Variants in RBM47 observed in about 807,000 individuals in gnomAD.
RBM47 encodes RNA-binding protein 47.
A neutral mutation model predicts 47.1 loss-of-function variants in RBM47; 21 were observed. The ratio of observed to expected loss-of-function variants is 0.45; its 90% confidence interval spans 0.32 to 0.64. The LOEUF is 0.64. Ranked by LOEUF, RBM47 falls within the 30% of genes least tolerant of loss-of-function variation. RBM47 has a pLI of 0.05. For missense variants in RBM47, 708 were observed against 870.9 expected (o/e 0.81, Z 2.35); for synonymous variants, 375 against 361.7 (o/e 1.04, Z -0.42).
chr4:40,437,133 A>ATATAT (rs1712713686), intron 4 of RBM47, among the ~76,000 whole-genome samples: 1 of 95,756 alleles, frequency 1.0e-5, no homozygotes, highest in African/African-American at 4.7e-5. Flanking sequence ...TATATATATA[A>ATATAT]AATACATATA....
In RBM47 at chr4:40,449,865, A is replaced by G. The variant is rs183305105; in HGVS notation, c.-31-10941T>C. 1.2e-4 allele frequency among the ~76,000 whole-genome samples: 18 copies of G among 152,144 alleles called. No homozygotes were observed. The East Asian group carries it at 3.3e-3, about 28-fold the overall frequency. ...AGCTAAGTTTTGTACTTTTTTTAGT[A>G]GAGATGAGGATTCACCATGTTGGCC... On this transcript the variant is annotated intron_variant, in intron 3 of 6. Coordinates refer to ENST00000295971, the MANE Select transcript of RBM47 (RefSeq NM_001098634.2).
At chr4:40,611,606 G>A (rs1736268440) in intron 1 of RBM47, among the ~76,000 whole-genome samples, 1 of 152,084 alleles carries the variant, frequency 6.6e-6, no homozygotes, top group South Asian at 2.1e-4. Flanking sequence ...GCGCATGCCT[G>A]TAATCCCAGC....
intron 3 of RBM47, among the ~76,000 whole-genome samples, chr4:40,449,178 CAAT>C (rs1051546519): frequency 1.3e-5 from 2 of 152,188 alleles, no homozygotes; most frequent in Non-Finnish European, 2.9e-5. Flanking sequence ...GGAGGTCAAA[CAAT>C]AAGCCGAAGA....
intron 1 of RBM47, among the ~76,000 whole-genome samples, chr4:40,601,756 G>A (rs1299880836): frequency 6.6e-6 from 1 of 152,148 alleles, no homozygotes; most frequent in Non-Finnish European, 1.5e-5. Flanking sequence ...TCTGTTCCTG[G>A]AAACTACGAG....
At chr4:40,427,244 C>G (rs1307824595) in intron 6 of RBM47, 1 of 152,170 alleles carries the variant, frequency 6.6e-6, no homozygotes, top group African/African-American at 2.4e-5. Flanking sequence ...AGAGAAAGAA[C>G]CAACTAATGG....
intron 2 of RBM47, among the ~76,000 whole-genome samples, chr4:40,469,433 ATTTT>A (rs55864514): frequency 3.1e-5 from 4 of 128,798 alleles, no homozygotes; most frequent in Non-Finnish European, 1.6e-5. Context: ...CCATTCCATA[ATTTT>A]TTTTTTTTTT....
In RBM47 at chr4:40,519,579, G is replaced by A. The variant is rs569409066; in HGVS notation, c.-155+24843C>T. The stretch of plus-strand genomic sequence containing the variant: ...CCCAAAGTGCTGAGATTACAGGTGT[G>A]AGCCACCACACCCAGCATCCTTCAA... On this transcript the variant is annotated intron_variant, in intron 2 of 6. Coordinates refer to ENST00000295971, the MANE Select transcript of RBM47 (RefSeq NM_001098634.2). 1.3e-4 allele frequency among the ~76,000 whole-genome samples: 19 copies of A among 150,456 alleles called. No individual in the cohort carries two copies. The South Asian group carries it at 3.8e-3, about 30-fold the overall frequency.
At chr4:40,512,589 C>A (rs1725079657) in intron 2 of RBM47, among the ~76,000 whole-genome samples, 1 of 145,638 alleles carries the variant, frequency 6.9e-6, no homozygotes, top group South Asian at 2.2e-4. Flanking sequence ...ATGGTGGCTG[C>A]CAGTAATCCC....
rs1420344137 is a variant in RBM47 at position 40,432,670 on chromosome 4, G to A, written c.1523C>T (p.Ser508Leu). Residue 508 changes from serine to leucine, a missense_variant, in exon 6 of 7, where the codon TCG (serine) becomes TTG (leucine). By Grantham distance (145) the Ser-to-Leu change is moderately radical. Transcript: ENST00000295971. Reference protein sequence around the residue: ...AAAAAVIPTVSTPPPFQGRPI... With the variant: ...AAAAAVIPTVLTPPPFQGRPI... ...CTCTACCTGGAAAGGTGGTGGCGTC[G>A]ACACAGTGGGAATGACAGCGGCTGC... 8 of 1,610,400 alleles carry A rather than the reference G, an allele frequency of 5.0e-6. No homozygotes were observed. Among genetic ancestry groups the A allele is most frequent in the Admixed American group, 3.4e-5 (2 of 59,214 alleles).
chr4:40,468,913 A>G (rs1718443177), intron 2 of RBM47, among the ~76,000 whole-genome samples: 1 of 152,258 alleles, frequency 6.6e-6, no homozygotes, highest in Non-Finnish European at 1.5e-5. Flanking sequence ...AAACGAATGT[A>G]CAAAGTACAA....
chr4:40,497,744 C>A (rs902012034), intron 2 of RBM47, among the ~76,000 whole-genome samples: 1 of 149,060 alleles, frequency 6.7e-6, no homozygotes, highest in Non-Finnish European at 1.5e-5. Flanking sequence ...GAGGCTGAGG[C>A]AGAAGGATAG....
Position 40,628,237 on chromosome 4 carries a change from A to G in RBM47, c.-240+1159T>C, listed in dbSNP as rs1291043744. ...AGAAAAAAATATTAAAAACCAAACC[A>G]TCTCCTCCTTTCTTTTTTTCCTTCT... On this transcript the variant is annotated intron_variant, in intron 1 of 6. Transcript: ENST00000295971. This position sits in a 1 kb window ranked among gnomAD's most constrained non-coding sequence, Gnocchi z 4.0. Among the ~76,000 whole-genome samples the G allele has an allele frequency of 6.6e-6, 1 of 152,050 alleles. No homozygotes were observed. The highest frequency in any genetic ancestry group is 1.5e-5 in the Non-Finnish European group (1 of 68,010).
At position 40,564,723 on chromosome 4, in the gene RBM47, T is replaced by C. The variant is rs192253821; in HGVS notation, c.-239-20217A>G. On this transcript the variant is annotated intron_variant, in intron 1 of 6. Transcript: ENST00000295971. ...ACTGTCTAGCTTTAAGAAAAGTTTA[T>C]TTATGAGTTACTTTTTGAGACACAG... Among the ~76,000 whole-genome samples the C allele has an allele frequency of 2.6e-5, 4 of 152,372 alleles. No homozygotes were observed. The East Asian group carries it at 7.7e-4, about 29-fold the overall frequency.
chr4:40,549,955 C>A (rs538446558), intron 1 of RBM47, among the ~76,000 whole-genome samples: 1 of 152,272 alleles, frequency 6.6e-6, no homozygotes, highest in Admixed American at 6.5e-5. Flanking sequence ...CAGGTGTGAG[C>A]CACCGTGCGC....
chr4:40,460,421 T>C (rs1716938193), intron 3 of RBM47, among the ~76,000 whole-genome samples: 1 of 152,214 alleles, frequency 6.6e-6, no homozygotes, highest in South Asian at 2.1e-4. Context: ...AGCTCCTGCA[T>C]GCCAGAGCTC....
At chr4:40,538,234 C>A (rs1459943754) in intron 2 of RBM47, among the ~76,000 whole-genome samples, 1 of 151,866 alleles carries the variant, frequency 6.6e-6, no homozygotes, top group Non-Finnish European at 1.5e-5. Flanking sequence ...CCTGGCAAAT[C>A]TGGATACAGA....
At chr4:40,528,436 C>T (rs907095511) in intron 2 of RBM47, among the ~76,000 whole-genome samples, 2 of 151,008 alleles carry the variant, frequency 1.3e-5, no homozygotes, top group African/African-American at 4.9e-5. Context: ...CCCTTTTGGT[C>T]TCTCACTGAG....
At chr4:40,594,070 A>G (rs1043643360) in intron 1 of RBM47, among the ~76,000 whole-genome samples, 3 of 152,126 alleles carry the variant, frequency 2.0e-5, no homozygotes, top group Non-Finnish European at 2.9e-5. Flanking sequence ...AACAAAAAAA[A>G]GAAAGAAAGA....
intron 2 of RBM47, among the ~76,000 whole-genome samples, chr4:40,469,473 C>G (rs1308977772): frequency 6.6e-6 from 1 of 150,488 alleles, no homozygotes; most frequent in Non-Finnish European, 1.5e-5. Context: ...TCACTCCATC[C>G]CCCAGGCTGG....
Sources: allele counts gnomAD v4.1 joint callset (sites outside exome capture counted in the v4.1 genomes callset), GRCh38; gene constraint gnomAD v4.1.1; non-coding constraint Gnocchi (gnomAD v3.1); transcripts MANE v1.5; gene names NCBI Gene and HGNC (gene_info 2026-07-23, HGNC 2026-07-21).